NUDT3: variants seen among roughly 807,000 people sequenced by gnomAD.
NUDT3 encodes the protein diphosphoinositol polyphosphate phosphohydrolase 1.
NUDT3 carries 9 observed loss-of-function variants against 23.6 expected under a neutral mutation model. The observed-to-expected ratio is 0.38, with a 90% CI of 0.23 to 0.66. The LOEUF is 0.66. Ranked by LOEUF, NUDT3 falls within the 30% of genes least tolerant of loss-of-function variation. The pLI, the probability that NUDT3 is intolerant of heterozygous loss-of-function variation, is 0.52. For synonymous variants in NUDT3, 86 were observed against 82.6 expected (o/e 1.04, Z -0.22); for missense variants, 172 against 218.5 (o/e 0.79, Z 1.34).
At chr6:34,337,773 A>G (rs1177430627) in intron 2 of NUDT3, among the ~76,000 whole-genome samples, 1 of 152,206 alleles carries the variant, frequency 6.6e-6, no homozygotes, top group Non-Finnish European at 1.5e-5. Context: ...AGATATTCCA[A>G]CCACAACTCC....
At position 34,282,182 on chromosome 6, in the gene NUDT3, G is replaced by A. The variant is rs1281752834; in HGVS notation, c.*6571C>T. On this transcript the variant is annotated 3_prime_UTR_variant, in exon 5 of 5. Transcript: ENST00000607016. The stretch of plus-strand genomic sequence containing the variant: ...CACATTTTCTCCACAACAAAGGGAG[G>A]TTAAAGACAAAGGTTTAACCTGAGA... The A allele has an allele frequency of 4.6e-5, 7 of 152,120 alleles. No individual in the cohort carries two copies. Among genetic ancestry groups the A allele is most frequent in the Non-Finnish European group, 2.9e-5 (2 of 68,028 alleles). 9.4% of individuals were successfully genotyped at this position (152,120 alleles called of 1,614,324 possible). A position where few individuals can be genotyped will look rare whatever the true frequency, so the allele number is the denominator to read the frequency against.
chr6:34,373,388 C>T (rs1422998402), intron 1 of NUDT3, among the ~76,000 whole-genome samples: 2 of 151,928 alleles, frequency 1.3e-5, no homozygotes, highest in Admixed American at 1.3e-4. Context: ...GAATAATTTC[C>T]TTCATACGTT....
chr6:34,359,294 A>G (rs1287562218), intron 1 of NUDT3, among the ~76,000 whole-genome samples: 2 of 152,074 alleles, frequency 1.3e-5, no homozygotes, highest in African/African-American at 4.8e-5. Flanking sequence ...AATTGCTTGA[A>G]CCTGGGAGGT....
intron 2 of NUDT3, among the ~76,000 whole-genome samples, chr6:34,301,228 C>G (rs1361648199): frequency 6.7e-6 from 1 of 150,230 alleles, no homozygotes; most frequent in Non-Finnish European, 1.5e-5. Flanking sequence ...AGTCAAATTT[C>G]TCAGTCACAG....
chr6:34,317,241 G>A (rs779979237), intron 2 of NUDT3, among the ~76,000 whole-genome samples: 37 of 152,092 alleles, frequency 2.4e-4, no homozygotes, highest in Non-Finnish European at 4.4e-4. Context: ...GATGGCTACT[G>A]AACATTCAAA....
chr6:34,376,275 C>T (rs1331455303), intron 1 of NUDT3, among the ~76,000 whole-genome samples: 1 of 151,874 alleles, frequency 6.6e-6, no homozygotes, highest in South Asian at 2.1e-4. Flanking sequence ...GAGACAGGGT[C>T]TCACTCTGTC....
intron 1 of NUDT3, among the ~76,000 whole-genome samples, chr6:34,344,853 G>T (rs144148399): frequency 6.6e-6 from 1 of 151,686 alleles, no homozygotes; most frequent in African/African-American, 2.4e-5. Context: ...AGGTTTCACC[G>T]TGTTAGCCAG....
intron 1 of NUDT3, 128 bp from the exon 2 acceptor site, chr6:34,342,100 A>C: frequency 1.3e-6 from 1 of 773,306 alleles, no homozygotes. Context: ...TTCCCAAATC[A>C]CTTCTTGCAA....
At position 34,377,281 on chromosome 6, in the gene NUDT3, T is replaced by C. The variant is rs1453695989; in HGVS notation, c.99+14983A>G. 2.6e-5 allele frequency among the ~76,000 whole-genome samples: 4 copies of C among 152,156 alleles called. No homozygotes were observed. In the East Asian group the frequency reaches 5.8e-4, roughly 22 times the overall value. ...CATTCTTCCTGGACAGCAGTGGACA[T>C]GTCCACAGTTTTAAAACCATCACTG... On this transcript the variant is annotated intron_variant, in intron 1 of 4. Coordinates refer to ENST00000607016, the MANE Select transcript of NUDT3 (RefSeq NM_006703.4).
intron 1 of NUDT3, among the ~76,000 whole-genome samples, chr6:34,345,933 CG>C (rs1764362007): frequency 6.6e-6 from 1 of 151,656 alleles, no homozygotes; most frequent in African/African-American, 2.4e-5. Context: ...CACGCCCGGC[CG>C]ATTTTTGTAT....
chr6:34,283,636 T>C lies in NUDT3; in HGVS notation c.*5117A>G, dbSNP rs1219147853. On this transcript the variant is annotated 3_prime_UTR_variant, in exon 5 of 5. Coordinates refer to ENST00000607016, the MANE Select transcript of NUDT3 (RefSeq NM_006703.4). ...AAAGGTTATCAGCTAAAGACAAGAGTTTCTGAGGCTAATGCAAAAACATGG... is the reference window on the plus strand; with the variant it reads ...AAAGGTTATCAGCTAAAGACAAGAGCTTCTGAGGCTAATGCAAAAACATGG... The C allele has an allele frequency of 3.9e-5, 6 of 151,934 alleles. No individual in the cohort carries two copies. The highest frequency in any genetic ancestry group is 7.4e-5 in the Non-Finnish European group (5 of 67,976). 9.4% of individuals were successfully genotyped at this position (151,934 alleles called of 1,614,324 possible).
chr6:34,288,655 G>C lies in NUDT3; in HGVS notation c.*98C>G. The C allele has an allele frequency of 6.8e-7, 1 of 1,461,978 alleles. No homozygotes were observed. The highest frequency in any genetic ancestry group is 9.1e-7 in the Non-Finnish European group (1 of 1,092,990). The allele number at this position is 1,461,978 out of a possible 1,614,324, so 90.6% of individuals were successfully genotyped here. A position where few individuals can be genotyped will look rare whatever the true frequency, so the allele number is the denominator to read the frequency against. On this transcript the variant is annotated 3_prime_UTR_variant, in exon 5 of 5. Coordinates refer to ENST00000607016, the MANE Select transcript of NUDT3 (RefSeq NM_006703.4). Reference sequence around the variant, plus strand: ...GCTGCCCACCATGCCTTATTTGAAAGAGGAGGCCTGTGAGAAGTGGAAAGA... The same window carrying C: ...GCTGCCCACCATGCCTTATTTGAAACAGGAGGCCTGTGAGAAGTGGAAAGA...
intron 2 of NUDT3, among the ~76,000 whole-genome samples, chr6:34,300,797 G>C (rs937067036): frequency 2.6e-5 from 4 of 152,220 alleles, no homozygotes; most frequent in Non-Finnish European, 4.4e-5. Context: ...GTAGCTGAAA[G>C]GTTCCTGCTA....
rs143148729 is a variant in NUDT3 at position 34,357,220 on chromosome 6, T to C, written c.100-15248A>G. Among the ~76,000 whole-genome samples the C allele has an allele frequency of 1.6e-3, 246 of 152,192 alleles. 1 individual carries two copies. The highest frequency in any genetic ancestry group is 5.4e-3 in the African/African-American group (224 of 41,534). On this transcript the variant is annotated intron_variant, in intron 1 of 4. Coordinates refer to ENST00000607016, the MANE Select transcript of NUDT3 (RefSeq NM_006703.4). The stretch of plus-strand genomic sequence containing the variant: ...GATTACGAATATACATCCTACAAAA[T>C]TGGCCACGAGCTGATAACAGTTGAA...
At chr6:34,346,765 C>T (rs545351537) in intron 1 of NUDT3, among the ~76,000 whole-genome samples, 2 of 151,868 alleles carry the variant, frequency 1.3e-5, no homozygotes, top group East Asian at 3.9e-4. Flanking sequence ...TCTGTTTCTG[C>T]TTTTTGTAGA....
rs760926430 is a variant in NUDT3 at position 34,392,368 on chromosome 6, G to A, written c.-6C>T. 4 of 1,597,654 alleles carry A rather than the reference G, an allele frequency of 2.5e-6. No individual in the cohort carries two copies. Among genetic ancestry groups the A allele is most frequent in the Non-Finnish European group, 2.6e-6 (3 of 1,174,308 alleles). On this transcript the variant is annotated 5_prime_UTR_variant, in exon 1 of 5. Coordinates refer to ENST00000607016, the MANE Select transcript of NUDT3 (RefSeq NM_006703.4). Reference sequence around the variant, plus strand: ...TTCGACTTGAGCTTCATCATCCTCCGGGCCCGGGTGGGGGTGCGGTGCGGG... The same window carrying A: ...TTCGACTTGAGCTTCATCATCCTCCAGGCCCGGGTGGGGGTGCGGTGCGGG...
intron 2 of NUDT3, among the ~76,000 whole-genome samples, chr6:34,324,334 G>A (rs1466993653): frequency 2.0e-5 from 3 of 149,184 alleles, no homozygotes; most frequent in Admixed American, 6.7e-5. Context: ...CAGCATGGGC[G>A]ACAGAGCAAG....
chr6:34,376,252 TTTTTC>T lies in NUDT3; in HGVS notation c.99+16007_99+16011del, dbSNP rs146848569. On this transcript the variant is annotated intron_variant, in intron 1 of 4. Coordinates refer to ENST00000607016, the MANE Select transcript of NUDT3 (RefSeq NM_006703.4). The stretch of plus-strand genomic sequence containing the variant: ...CAACCATGAGCTCCTTCATCTTTTT[TTTTTC>T]TTTTCTTGAGACAGGGTCTCACTCT... Among the ~76,000 whole-genome samples, 545 of 152,240 alleles carry T rather than the reference TTTTTC, an allele frequency of 3.6e-3. 2 individuals carry two copies. The highest frequency in any genetic ancestry group is 0.014 in the Middle Eastern group (4 of 294).
At chr6:34,370,430 A>T (rs746944291) in intron 1 of NUDT3, among the ~76,000 whole-genome samples, 8 of 152,236 alleles carry the variant, frequency 5.3e-5, no homozygotes, top group Non-Finnish European at 7.3e-5. Context: ...AGATGACAGA[A>T]GTAATAGTGC....
Sources: allele counts gnomAD v4.1 joint callset (sites outside exome capture counted in the v4.1 genomes callset), GRCh38; gene constraint gnomAD v4.1.1; transcripts MANE v1.5; gene names NCBI Gene and HGNC (gene_info 2026-07-23, HGNC 2026-07-21).